Variants in COX4I2 observed in about 807,000 individuals in gnomAD.
The protein encoded by COX4I2 is cytochrome c oxidase subunit 4 isoform 2, mitochondrial.
Under a neutral mutation model 20.8 loss-of-function variants are expected in COX4I2, and 15 were observed. That is an observed-to-expected ratio of 0.72 (90% CI 0.48 to 1.11). The LOEUF is 1.11. Ranked by LOEUF, COX4I2 falls within the 50% of genes most tolerant of loss-of-function variation. COX4I2 has a pLI of 0.00. For missense variants in COX4I2, 224 were observed against 223.0 expected, an observed-to-expected ratio of 1.00 and a Z score of -0.03; for synonymous variants, 80 against 78.1, an observed-to-expected ratio of 1.02 and a Z score of -0.13.
chr20:31,638,300 G>T (rs933358792), intron 1 of COX4I2, among the ~76,000 whole-genome samples: 6 of 151,492 alleles, frequency 4.0e-5, no homozygotes, highest in African/African-American at 1.5e-4. Flanking sequence ...TTTGTTGGGT[G>T]CCCCTCTCTC....
chr20:31,641,768 T>C (rs1401150443), intron 3 of COX4I2, among the ~76,000 whole-genome samples: 1 of 152,050 alleles, frequency 6.6e-6, no homozygotes, highest in Non-Finnish European at 1.5e-5. Context: ...TGGCCCCATC[T>C]CGGCTCACTG....
At position 31,643,439 on chromosome 20, in the gene COX4I2, A is replaced by T; in HGVS notation, c.283A>T (p.Met95Leu). The T allele has an allele frequency of 6.2e-7, 1 of 1,614,204 alleles. No homozygotes were observed. Among genetic ancestry groups the T allele is most frequent in the Non-Finnish European group, 8.5e-7 (1 of 1,180,030 alleles). Reference sequence around the variant, plus strand: ...CCAGTTCAATGAGACCTTTGCGGAGATGAACCGTCGCTCCAATGAGTGGAA... The same window carrying T: ...CCAGTTCAATGAGACCTTTGCGGAGTTGAACCGTCGCTCCAATGAGTGGAA... ...RLQFNETFAE[M>L]NRRSNEWKTV... Residue 95 changes from methionine to leucine, a missense_variant, in exon 4 of 5, where the codon ATG becomes TTG. Physicochemically the swap from Met to Leu is conservative, Grantham distance 15. Coordinates refer to ENST00000376075, the MANE Select transcript of COX4I2 (RefSeq NM_032609.3).
intron 3 of COX4I2, among the ~76,000 whole-genome samples, chr20:31,640,423 G>A (rs2060461408): frequency 1.3e-5 from 2 of 152,160 alleles, no homozygotes; most frequent in Non-Finnish European, 2.9e-5. Flanking sequence ...GTGTGTTCAA[G>A]GACTGTGAGA....
intron 4 of COX4I2, among the ~76,000 whole-genome samples, chr20:31,644,203 T>C (rs940578535): frequency 1.3e-5 from 2 of 152,242 alleles, no homozygotes; most frequent in African/African-American, 2.4e-5. Flanking sequence ...TCCTGGACCC[T>C]GCCCAGCAAG....
rs1403193268 is a variant in COX4I2, at chr20:31,639,117, T to C, written c.82+18T>C. 1 of 1,596,628 alleles carries C rather than the reference T, an allele frequency of 6.3e-7. No homozygotes were observed. Among genetic ancestry groups the C allele is most frequent in the Admixed American group, 1.7e-5 (1 of 57,232 alleles). On this transcript the variant is annotated intron_variant, in intron 2 of 4. Coordinates refer to ENST00000376075, the MANE Select transcript of COX4I2 (RefSeq NM_032609.3). ...AGGCACCAGTGAGACCTGGACTCCTTCCTCCCTGCCTAACTCCAGAGATAG... is the reference window on the plus strand; with the variant it reads ...AGGCACCAGTGAGACCTGGACTCCTCCCTCCCTGCCTAACTCCAGAGATAG...
chr20:31,643,445 C>G lies in COX4I2; in HGVS notation c.289C>G (p.Arg97Gly), dbSNP rs747692883. ...QFNETFAEMN[R>G]RSNEWKTVMG... ...CAATGAGACCTTTGCGGAGATGAACCGTCGCTCCAATGAGTGGAAGACAGT... is the reference window on the plus strand; with the variant it reads ...CAATGAGACCTTTGCGGAGATGAACGGTCGCTCCAATGAGTGGAAGACAGT... The change falls in exon 4 of 5, where the codon CGT (arginine) becomes GGT (glycine). Residue 97 changes from arginine (R) to glycine (G), a missense_variant. Coordinates refer to ENST00000376075, the MANE Select transcript of COX4I2 (RefSeq NM_032609.3). 1.4e-5 allele frequency: 23 copies of G among 1,614,064 alleles called. No homozygotes were observed. Among genetic ancestry groups the G allele is most frequent in the African/African-American group, 9.3e-5 (7 of 74,928 alleles).
At position 31,640,084 on chromosome 20, in the gene COX4I2, C is replaced by A; in HGVS notation, c.234C>A (p.Ala78=). The A allele has an allele frequency of 6.2e-7, 1 of 1,610,680 alleles. No homozygotes were observed. Among genetic ancestry groups the A allele is most frequent in the Non-Finnish European group, 8.5e-7 (1 of 1,179,694 alleles). ...EKGSWTQLTH[A]EKVALYRLQF... is the part of the protein sequence containing the mutation. ...GAAGCTGGACCCAGCTGACCCACGC[C>A]GAAAAGGTGGCCTGTAAGTGTCAGG... Residue 78 remains alanine (A), a synonymous_variant, in exon 3 of 5, where the codon GCC becomes GCA. Transcript: ENST00000376075.
chr20:31,644,913 C>G lies in COX4I2; in HGVS notation c.*9C>G. 1 of 1,613,026 alleles carries G rather than the reference C, an allele frequency of 6.2e-7. No individual in the cohort carries two copies. Among genetic ancestry groups the G allele is most frequent in the South Asian group, 1.1e-5 (1 of 90,916 alleles). On this transcript the variant is annotated 3_prime_UTR_variant, in exon 5 of 5. Transcript: ENST00000376075. ...AGCAGTGGAAGAAGTGACTTGCATCCCCAGCTGTCTCCCTGAGGCTCCGCC... is the reference window on the plus strand; with the variant it reads ...AGCAGTGGAAGAAGTGACTTGCATCGCCAGCTGTCTCCCTGAGGCTCCGCC...
In COX4I2 at chr20:31,638,787, T is replaced by C. The variant is rs541984441; in HGVS notation, c.1-231T>C. Among the ~76,000 whole-genome samples, 13 of 152,152 alleles carry C rather than the reference T, an allele frequency of 8.5e-5. 1 individual carries two copies. In the South Asian group the frequency reaches 2.3e-3, roughly 27 times the overall value. On this transcript the variant is annotated intron_variant, in intron 1 of 4. Transcript: ENST00000376075. Reference sequence around the variant, plus strand: ...CTTAGGCCTCCTCCCACTTCTCAGATGGTGAATTGAGGTCCCAAAAAGGGG... The same window carrying C: ...CTTAGGCCTCCTCCCACTTCTCAGACGGTGAATTGAGGTCCCAAAAAGGGG...
At chr20:31,639,172 C>T (rs1275324776) in intron 2 of COX4I2, 73 bp downstream of exon 2, 3 of 1,549,938 alleles carry the variant, frequency 1.9e-6, no homozygotes, top group African/African-American at 1.4e-5. Flanking sequence ...AGGCTGCCCC[C>T]TTTGCCCTTC....
chr20:31,643,660 G>T, intron 4 of COX4I2, 125 bp downstream of exon 4: 1 of 1,141,722 alleles, frequency 8.8e-7, no homozygotes, highest in South Asian at 1.3e-5. Flanking sequence ...CTGAAGAGGT[G>T]TAGGGTGAAG....
At chr20:31,639,280 G>A (rs1250891653) in intron 2 of COX4I2, 181 bp downstream of exon 2, 8 of 985,188 alleles carry the variant, frequency 8.1e-6, no homozygotes, top group African/African-American at 1.7e-5. Context: ...GAGTGCGCGG[G>A]GTGAGCAGAC....
chr20:31,639,804 C>T (rs1290502917), intron 2 of COX4I2, 129 bp from the exon 3 acceptor site: 3 of 989,806 alleles, frequency 3.0e-6, no homozygotes, highest in African/African-American at 3.2e-5. Context: ...GATCCACCCG[C>T]CTCAGCCTCC....
chr20:31,644,752 C>G lies in COX4I2; in HGVS notation c.380-16C>G, dbSNP rs751057812. ...AGACTGGCAGGATCCTGATCCACCC[C>G]ATGTACTCCCTGCAGTATTTCCTCC... On this transcript the variant is annotated splice_polypyrimidine_tract_variant and intron_variant, in intron 4 of 4. Coordinates refer to ENST00000376075, the MANE Select transcript of COX4I2 (RefSeq NM_032609.3). 6.2e-7 allele frequency: 1 copy of G among 1,613,854 alleles called. No homozygotes were observed.
Position 31,640,084 on chromosome 20 carries a change from C to G in COX4I2, c.234C>G (p.Ala78=), listed in dbSNP as rs777150879. Residue 78 remains alanine, a synonymous_variant, in exon 3 of 5, where the codon GCC becomes GCG. Transcript: ENST00000376075. ...EKGSWTQLTH[A]EKVALYRLQF... ...GAAGCTGGACCCAGCTGACCCACGC[C>G]GAAAAGGTGGCCTGTAAGTGTCAGG... is the stretch of plus-strand genomic sequence containing the variant. 6.2e-7 allele frequency: 1 copy of G among 1,610,680 alleles called. No homozygotes were observed. The highest frequency in any genetic ancestry group is 1.1e-5 in the South Asian group (1 of 90,982).
At chr20:31,638,490 A>G (rs2060448881) in intron 1 of COX4I2, among the ~76,000 whole-genome samples, 1 of 145,068 alleles carries the variant, frequency 6.9e-6, no homozygotes, top group Non-Finnish European at 1.5e-5. Flanking sequence ...CACCCCAACC[A>G]GATCCAGCAG....
At position 31,640,109 on chromosome 20, in the gene COX4I2, G is replaced by T; in HGVS notation, c.247+12G>T. ...CGAAAAGGTGGCCTGTAAGTGTCAG[G>T]GTGGGGCTGGCTGGAGAGAGTGGGT... On this transcript the variant is annotated intron_variant, in intron 3 of 4. Coordinates refer to ENST00000376075, the MANE Select transcript of COX4I2 (RefSeq NM_032609.3). 6.2e-7 allele frequency: 1 copy of T among 1,600,324 alleles called. No homozygotes were observed. Among genetic ancestry groups the T allele is most frequent in the Non-Finnish European group, 8.5e-7 (1 of 1,177,166 alleles).
At chr20:31,641,845 C>T (rs1202394451) in intron 3 of COX4I2, among the ~76,000 whole-genome samples, 1 of 150,846 alleles carries the variant, frequency 6.6e-6, no homozygotes, top group African/African-American at 2.5e-5. Context: ...GGACTACAGG[C>T]GGGCGCCACC....
intron 4 of COX4I2, 34 bp from the exon 5 acceptor site, chr20:31,644,734 C>G (rs764070341): frequency 6.2e-7 from 1 of 1,613,400 alleles, no homozygotes; most frequent in East Asian, 2.2e-5. Context: ...GGAAGACTGG[C>G]AGGATCCTGA....
Sources: gnomAD v4.1 joint callset for allele counts (sites outside exome capture counted in the v4.1 genomes callset) on GRCh38, gnomAD v4.1.1 for gene constraint, MANE v1.5 for transcripts, NCBI Gene and HGNC (gene_info 2026-07-23, HGNC 2026-07-21) for gene names.